The following SOX5 variants were observed in gnomAD, a reference collection of about 807,000 sequenced individuals.
SOX5 encodes the protein transcription factor SOX-5.
SOX5 carries 9 observed loss-of-function variants against 92.0 expected under a neutral mutation model. The observed-to-expected ratio is 0.10, with a 90% CI of 0.06 to 0.17. SOX5 has a LOEUF of 0.17. Among genes scored for constraint, SOX5 ranks in the 10% least tolerant of loss-of-function variants. The pLI, the probability that SOX5 is intolerant of heterozygous loss-of-function variation, is 1.00. For synonymous variants in SOX5, 344 were observed against 336.3 expected (o/e 1.02, Z -0.25); for missense variants, 642 against 944.5 (o/e 0.68, Z 4.20).
intron 2 of SOX5, among the ~76,000 whole-genome samples, chr12:24,324,367 C>T (rs946320719): frequency 2.6e-5 from 4 of 152,078 alleles, no homozygotes; most frequent in African/African-American, 9.7e-5. Context: ...CCAAGACAAG[C>T]TATCTTCTGT....
Position 24,555,273 on chromosome 12 carries a change from AAG to A in SOX5, c.-251+7054_-251+7055del, listed in dbSNP as rs1953654847. Reference sequence around the variant, plus strand: ...GAAAGCCTAGAGAGGTAAGGAAATGAAGAGAGTTCTGCCTCATGCTTTAGGGC... The same window carrying A: ...GAAAGCCTAGAGAGGTAAGGAAATGAAGAGTTCTGCCTCATGCTTTAGGGC... On this transcript the variant is annotated intron_variant, in intron 1 of 4. Transcript: ENST00000446891. Among the ~76,000 whole-genome samples, 3 of 152,214 alleles carry A rather than the reference AAG, an allele frequency of 2.0e-5. No individual in the cohort carries two copies. In the South Asian group the frequency reaches 6.2e-4, roughly 32 times the overall value.
At chr12:24,373,270 A>G (rs1010144674) in intron 1 of SOX5, among the ~76,000 whole-genome samples, 2 of 152,200 alleles carry the variant, frequency 1.3e-5, no homozygotes, top group Admixed American at 1.3e-4. Flanking sequence ...TCCCTATCTC[A>G]TTCTCTTTCT....
At chr12:24,508,242 G>C (rs1948986404) in intron 1 of SOX5, among the ~76,000 whole-genome samples, 1 of 152,132 alleles carries the variant, frequency 6.6e-6, no homozygotes, top group Non-Finnish European at 1.5e-5. Flanking sequence ...CAGTGGAAAG[G>C]GGAGCAAACC....
rs138580187 is a variant in SOX5, at chr12:24,237,587, CTT to C, written c.-76-24172_-76-24171del. On this transcript the variant is annotated intron_variant, in intron 3 of 4. Coordinates refer to the SOX5 transcript ENST00000446891. ...AACTCCAAGCCTGGAAGTCGTAAGA[CTT>C]TTTTTTTTTTTCATAAGCAACCTGA... is the stretch of plus-strand genomic sequence containing the variant. 7.2e-3 allele frequency among the ~76,000 whole-genome samples: 1,026 copies of C among 142,976 alleles called. 11 individuals carry two copies. The highest frequency in any genetic ancestry group is 0.025 in the African/African-American group (969 of 39,242). The allele number at this position is 142,976 out of a possible 152,430, so 93.8% of individuals were successfully genotyped here. A position where few individuals can be genotyped will look rare whatever the true frequency, so the allele number is the denominator to read the frequency against.
chr12:23,625,769 C>T (rs377711002), intron 8 of SOX5, among the ~76,000 whole-genome samples: 14 of 152,034 alleles, frequency 9.2e-5, no homozygotes, highest in East Asian at 5.8e-4. Flanking sequence ...GCCACCACGC[C>T]GGCTAATTTT....
intron 4 of SOX5, among the ~76,000 whole-genome samples, chr12:23,978,850 G>C (rs909480639): frequency 1.3e-5 from 2 of 152,046 alleles, no homozygotes; most frequent in Non-Finnish European, 2.9e-5. Context: ...ATCACCTTTA[G>C]ACACTATCCA....
In SOX5 at chr12:24,017,847, G is replaced by A. The variant is rs114559008; in HGVS notation, c.-1-121823C>T. ...CCCACAGAGATGTACTACCTGCCTC[G>A]TCCACACACACATCACTTTCTGCAA... On this transcript the variant is annotated intron_variant, in intron 4 of 4. Transcript: ENST00000446891. 1.4e-3 allele frequency among the ~76,000 whole-genome samples: 211 copies of A among 151,588 alleles called. 1 individual carries two copies. Among genetic ancestry groups the A allele is most frequent in the African/African-American group, 4.9e-3 (201 of 41,268 alleles).
intron 1 of SOX5, among the ~76,000 whole-genome samples, chr12:24,476,818 G>A (rs1474765048): frequency 2.0e-5 from 3 of 152,016 alleles, no homozygotes; most frequent in Non-Finnish European, 4.4e-5. Context: ...CTACCATAGA[G>A]ACTGAATAAA....
upstream of SOX5, among the ~76,000 whole-genome samples, chr12:23,954,398 C>T (rs1259686615): frequency 2.0e-5 from 3 of 151,562 alleles, no homozygotes; most frequent in African/African-American, 7.3e-5. Flanking sequence ...TTTGCCTGTG[C>T]TGTTATTTAC....
intron 1 of SOX5, among the ~76,000 whole-genome samples, chr12:23,938,808 A>C (rs1024867121): frequency 6.6e-6 from 1 of 151,108 alleles, no homozygotes; most frequent in African/African-American, 2.4e-5. Context: ...TGGGATCAAT[A>C]ATCATAAGTA....
At chr12:23,668,648 C>T (rs893297072) in intron 6 of SOX5, among the ~76,000 whole-genome samples, 1 of 152,134 alleles carries the variant, frequency 6.6e-6, no homozygotes, top group Admixed American at 6.6e-5. Context: ...TTAAACCACT[C>T]ATTAAAGTTG....
In SOX5 at chr12:23,834,120, T is replaced by C. The variant is rs562325475; in HGVS notation, c.481+11863A>G. On this transcript the variant is annotated intron_variant, in intron 3 of 14. Coordinates refer to ENST00000451604, the MANE Select transcript of SOX5 (RefSeq NM_006940.6). ...CTGACTCGAATTCTGACAAAGTTGT[T>C]TGAGGATCATTGAGTCTTAAGAAGT... 3.3e-5 allele frequency among the ~76,000 whole-genome samples: 5 copies of C among 152,042 alleles called. No homozygotes were observed. In the East Asian group the frequency reaches 7.7e-4, roughly 23 times the overall value.
At chr12:24,285,619 T>C (rs1437966236) in intron 2 of SOX5, among the ~76,000 whole-genome samples, 3 of 152,160 alleles carry the variant, frequency 2.0e-5, no homozygotes, top group Non-Finnish European at 4.4e-5. Context: ...GGCATGAAAA[T>C]ACATTTTTCC....
At chr12:23,678,952 T>G (rs1333259857) in intron 6 of SOX5, among the ~76,000 whole-genome samples, 3 of 152,088 alleles carry the variant, frequency 2.0e-5, no homozygotes, top group Non-Finnish European at 4.4e-5. Context: ...ATAAAAAATT[T>G]TAAATGACAA....
At chr12:23,659,482 T>C (rs1040262903) in intron 7 of SOX5, among the ~76,000 whole-genome samples, 1 of 152,198 alleles carries the variant, frequency 6.6e-6, no homozygotes, top group African/African-American at 2.4e-5. Context: ...CAATTAAATA[T>C]TTCAATCAGT....
In SOX5 at chr12:23,578,117, C is replaced by CAAAAAAAAAAAAAAAAAAAAAA. The variant is rs1163938652; in HGVS notation, c.1165-2301_1165-2280dup. On this transcript the variant is annotated intron_variant, in intron 9 of 14. Transcript: ENST00000451604. ...CCTGCGCAACAGAGTGAGACTGTGT[C>CAAAAAAAAAAAAAAAAAAAAAA]AAAAAAAAAAAAAAAAAAAAAAAAA... Among the ~76,000 whole-genome samples the CAAAAAAAAAAAAAAAAAAAAAA allele has an allele frequency of 6.6e-4, 23 of 34,890 alleles. 2 individuals carry two copies. The highest frequency in any genetic ancestry group is 0.019 in the Middle Eastern group (1 of 52). 22.9% of individuals were successfully genotyped at this position (34,890 alleles called of 152,430 possible). A position where few individuals can be genotyped will look rare whatever the true frequency, so the allele number is the denominator to read the frequency against.
intron 4 of SOX5, among the ~76,000 whole-genome samples, chr12:24,142,278 T>C (rs1950656839): frequency 6.6e-6 from 1 of 152,206 alleles, no homozygotes; most frequent in East Asian, 1.9e-4. Flanking sequence ...TTTCTTGAGA[T>C]TGGCCTTAAA....
intron 7 of SOX5, among the ~76,000 whole-genome samples, chr12:23,644,191 G>C (rs1364924254): frequency 6.6e-6 from 1 of 151,966 alleles, no homozygotes; most frequent in Admixed American, 6.6e-5. Flanking sequence ...GCTGCTCTGT[G>C]GAAAGACTCA....
intron 3 of SOX5, among the ~76,000 whole-genome samples, chr12:24,271,629 G>A (rs558763160): frequency 3.9e-4 from 59 of 152,096 alleles, no homozygotes; most frequent in South Asian, 8.3e-4. Context: ...CTTAGGTTTC[G>A]GCCAACTAAA....
Sources: gnomAD v4.1 joint callset for allele counts (sites outside exome capture counted in the v4.1 genomes callset) on GRCh38, gnomAD v4.1.1 for gene constraint, MANE v1.5 for transcripts, NCBI Gene and HGNC (gene_info 2026-07-23, HGNC 2026-07-21) for gene names.